ATP10B: variants seen among roughly 807,000 people sequenced by gnomAD.
ATP10B encodes phospholipid-transporting ATPase VB.
ATP10B carries 122 observed loss-of-function variants against 141.2 expected under a neutral mutation model. The ratio of observed to expected loss-of-function variants is 0.86; its 90% CI spans 0.75 to 1.00. The LOEUF (loss-of-function observed/expected upper bound fraction) is 1.00, where lower values mean the gene tolerates loss of function less well. Among genes scored for constraint, ATP10B ranks in the 50% least tolerant of loss-of-function variants. The pLI is 0.00. For synonymous variants in ATP10B, 685 were observed against 692.0 expected, an observed-to-expected ratio of 0.99 and a Z score of 0.16; for missense variants, 1,876 against 1,825.3, an observed-to-expected ratio of 1.03 and a Z score of -0.51.
chr5:160,731,742 C>T (rs978692935), intron 2 of ATP10B, among the ~76,000 whole-genome samples: 10 of 152,166 alleles, frequency 6.6e-5, no homozygotes. Context: ...AAAGGTTACT[C>T]CAAGTTCTGT....
At chr5:160,921,218 A>G in the ATP10B span, among the ~76,000 whole-genome samples, 2 of 151,968 alleles carry the variant, frequency 1.3e-5, no homozygotes, top group African/African-American at 2.4e-5. Flanking sequence ...CCATAAATGT[A>G]CATGTGTATA....
intron 8 of ATP10B, among the ~76,000 whole-genome samples, chr5:160,645,523 T>C (rs1760216562): frequency 6.6e-6 from 1 of 152,140 alleles, no homozygotes; most frequent in Non-Finnish European, 1.5e-5. Flanking sequence ...TTGCCCAAAT[T>C]ATTGGGAGGC....
chr5:160,919,244 A>AAAAAAAAAAAAC, the ATP10B span, among the ~76,000 whole-genome samples: 1 of 148,216 alleles, frequency 6.7e-6, no homozygotes, highest in Non-Finnish European at 1.5e-5. Context: ...AAAAAAAAAA[A>AAAAAAAAAAAAC]AGCAGGGAGT....
intron 6 of ATP10B, among the ~76,000 whole-genome samples, chr5:160,674,046 A>AATTCCC (rs1190185678): frequency 1.3e-5 from 2 of 152,092 alleles, no homozygotes; most frequent in Non-Finnish European, 2.9e-5. Context: ...GTCCTACTGG[A>AATTCCC]TAATGCCTTT....
chr5:160,755,553 C>A (rs986243542), intron 2 of ATP10B, among the ~76,000 whole-genome samples: 1 of 150,802 alleles, frequency 6.6e-6, no homozygotes, highest in Admixed American at 6.6e-5. Context: ...CGGTGGCTCA[C>A]GCCTGTAATC....
intron 2 of ATP10B, among the ~76,000 whole-genome samples, chr5:160,739,829 AAT>A (rs150364024): frequency 0.17 from 25,434 of 152,130 alleles, 2,338 homozygotes; most frequent in Admixed American, 0.29. Context: ...TGTTTTTTAA[AAT>A]TGTATTTTAT....
At chr5:160,780,761 G>A (rs776748469) in intron 2 of ATP10B, among the ~76,000 whole-genome samples, 12 of 152,130 alleles carry the variant, frequency 7.9e-5, no homozygotes, top group Non-Finnish European at 1.8e-4. Flanking sequence ...AATTGAGATG[G>A]CATCATTAAA....
At chr5:160,589,757 C>T in intron 23 of ATP10B, 61 bp from the exon 24 acceptor site, 1 of 1,268,612 alleles carries the variant, frequency 7.9e-7, no homozygotes, top group Non-Finnish European at 1.1e-6. Context: ...TTGGCTTTGA[C>T]ACAGTGATTA....
intron 1 of ATP10B, among the ~76,000 whole-genome samples, chr5:160,814,862 A>G (rs1055116759): frequency 6.6e-6 from 1 of 152,240 alleles, no homozygotes; most frequent in Non-Finnish European, 1.5e-5. Context: ...TTTTTAACCC[A>G]GAATTTCATA....
intron 2 of ATP10B, among the ~76,000 whole-genome samples, chr5:160,725,704 C>G (rs987157124): frequency 4.6e-5 from 7 of 152,208 alleles, no homozygotes; most frequent in African/African-American, 1.7e-4. Context: ...CTTGGCCTCC[C>G]AAAGTGCTGG....
At chr5:160,805,385 T>C (rs1013865296) in intron 1 of ATP10B, among the ~76,000 whole-genome samples, 3 of 152,202 alleles carry the variant, frequency 2.0e-5, no homozygotes, top group Non-Finnish European at 4.4e-5. Flanking sequence ...TTAAATTTAA[T>C]TGTCTTGTTA....
At chr5:160,697,958 C>T (rs1764467743) in intron 3 of ATP10B, among the ~76,000 whole-genome samples, 1 of 152,118 alleles carries the variant, frequency 6.6e-6, no homozygotes, top group Admixed American at 6.6e-5. Flanking sequence ...TTTTAACAGA[C>T]AAGAAAATAT....
chr5:160,776,033 T>C (rs1249208670), intron 2 of ATP10B, among the ~76,000 whole-genome samples: 1 of 152,198 alleles, frequency 6.6e-6, no homozygotes, highest in Non-Finnish European at 1.5e-5. Flanking sequence ...TAGTATCCTA[T>C]AAATATTAGC....
intron 1 of ATP10B, among the ~76,000 whole-genome samples, chr5:160,832,387 T>C (rs1045840267): frequency 6.6e-5 from 10 of 152,080 alleles, no homozygotes; most frequent in Admixed American, 1.3e-4. Context: ...CTCAAAAGAA[T>C]AAGGTAGTTT....
intron 1 of ATP10B, among the ~76,000 whole-genome samples, chr5:160,808,442 G>C (rs534245783): frequency 2.7e-4 from 41 of 152,174 alleles, no homozygotes; most frequent in African/African-American, 9.4e-4. Context: ...AAACTTTTGT[G>C]GACAAATTTG....
In ATP10B at chr5:160,632,339, C is replaced by A; in HGVS notation, c.1410G>T (p.Leu470=). The change falls in exon 13 of 26, where the codon CTG becomes CTT. Residue 470 remains leucine (L), a synonymous_variant. Transcript: ENST00000327245. The part of the protein sequence containing the change: ...NAKRLETPKE[L]DSDGEEWTQY... ...GGGTCCACTCTTCACCATCTGAGTC[C>A]AGCTCCTTTGGGGTCTCCAGTCGCT... 1.2e-6 allele frequency: 2 copies of A among 1,614,208 alleles called. No individual in the cohort carries two copies. Among genetic ancestry groups the A allele is most frequent in the South Asian group, 1.1e-5 (1 of 91,082 alleles).
At chr5:160,697,592 T>C (rs1318617422) in intron 3 of ATP10B, among the ~76,000 whole-genome samples, 1 of 148,354 alleles carries the variant, frequency 6.7e-6, no homozygotes, top group African/African-American at 2.5e-5. Flanking sequence ...AGAAGAAATG[T>C]ATGCAGGGTG....
intron 22 of ATP10B, among the ~76,000 whole-genome samples, chr5:160,592,127 A>G (rs1422357480): frequency 6.6e-6 from 1 of 152,082 alleles, no homozygotes; most frequent in Non-Finnish European, 1.5e-5. Flanking sequence ...CTAGGATGCC[A>G]CCTGATGGCT....
At chr5:160,928,802 C>T in the ATP10B span, among the ~76,000 whole-genome samples, 1 of 152,158 alleles carries the variant, frequency 6.6e-6, no homozygotes, top group African/African-American at 2.4e-5. Flanking sequence ...TGAAATAGTA[C>T]AACTAGTGCC....
Sources: allele counts gnomAD v4.1 joint callset (sites outside exome capture counted in the v4.1 genomes callset), GRCh38; gene constraint gnomAD v4.1.1; transcripts MANE v1.5; gene names NCBI Gene and HGNC (gene_info 2026-07-23, HGNC 2026-07-21).